Variants in POLD2 observed in about 807,000 individuals in gnomAD.
The protein encoded by POLD2 is DNA polymerase delta 2, accessory subunit.
Under a neutral mutation model 48.8 loss-of-function variants are expected in POLD2, and 31 were observed. The ratio of observed to expected loss-of-function variants is 0.64; its 90% CI spans 0.48 to 0.86. The LOEUF is 0.86. POLD2 is among the 40% of genes least tolerant of loss of function. POLD2 has a pLI of 0.00. For missense variants in POLD2, 455 were observed against 610.1 expected (o/e 0.75, Z 2.68); for synonymous variants, 233 against 256.3 (o/e 0.91, Z 0.87).
chr7:44,123,112 T>C (rs879692086), intron 1 of POLD2: 9 of 384,038 alleles, frequency 2.3e-5, no homozygotes, highest in East Asian at 1.6e-4. Flanking sequence ...ATTGAAATAA[T>C]AGTTTGAATA....
In POLD2 at chr7:44,121,994, G is replaced by T; in HGVS notation, c.60C>A (p.Asn20Lys). 3 of 1,613,852 alleles carry T rather than the reference G, an allele frequency of 1.9e-6. No individual in the cohort carries two copies. The change falls in exon 2 of 11, where the codon AAC becomes AAA. Residue 20 changes from asparagine (N) to lysine (K), a missense_variant. Transcript: ENST00000610533. The surrounding 1 kb of genome is among the most constrained non-coding windows in gnomAD (Gnocchi z 4.5). ...AHTLLSPPSA[N>K]NATFARVPVA... is the part of the protein sequence containing the mutation. ...CTGGCACCCGGGCAAAGGTGGCATT[G>T]TTGGCTGATGGTGGGGACAGTAGAG...
chr7:44,123,626 C>T (rs1334824282), upstream of POLD2: 6 of 1,398,188 alleles, frequency 4.3e-6, no homozygotes, highest in African/African-American at 1.5e-5. Flanking sequence ...TCGCTGCCCT[C>T]CTCGCCCCGT....
Position 44,116,439 on chromosome 7 carries a change from C to CAGG in POLD2, c.849_851dup (p.Leu284dup). 1 of 1,579,418 alleles carries CAGG rather than the reference C, an allele frequency of 6.3e-7. No individual in the cohort carries two copies. The highest frequency in any genetic ancestry group is 1.2e-5 in the South Asian group (1 of 86,556). Reference sequence around the variant, plus strand: ...CCCCCAGCTCGCTCACGCTCAGCTGCAGGAGGATCTCATCCAGCATCTTAA... The same window carrying CAGG: ...CCCCCAGCTCGCTCACGCTCAGCTGCAGGAGGAGGATCTCATCCAGCATCTTAA... On this transcript the variant is annotated inframe_insertion, in exon 7 of 11. Coordinates refer to ENST00000610533, the MANE Select transcript of POLD2 (RefSeq NM_006230.4). The surrounding 1 kb of genome is among the most constrained non-coding windows in gnomAD (Gnocchi z 6.1).
rs754645287 is a variant in POLD2 at position 44,116,831 on chromosome 7, C to A, written c.766G>T (p.Asp256Tyr). Reference sequence around the variant, plus strand: ...GGGCTCCATACCTTATTGATAGAATCCCTGCTCTGGGTGCTGTGGCTGAGG... The same window carrying A: ...GGGCTCCATACCTTATTGATAGAATACCTGCTCTGGGTGCTGTGGCTGAGG... ...NLLSHSTQSR[D>Y]SINKAKYLTK... Residue 256 changes from aspartate to tyrosine, a missense_variant, in exon 6 of 11, where the codon GAT becomes TAT. Transcript: ENST00000610533. The surrounding 1 kb of genome is among the most constrained non-coding windows in gnomAD (Gnocchi z 6.1). The A allele has an allele frequency of 6.2e-7, 1 of 1,613,832 alleles. No individual in the cohort carries two copies. Among genetic ancestry groups the A allele is most frequent in the Non-Finnish European group, 8.5e-7 (1 of 1,180,008 alleles).
Position 44,117,671 on chromosome 7 carries a change from T to C in POLD2, c.414A>G (p.Glu138=), listed in dbSNP as rs758821436. The change falls in exon 4 of 11, where the codon GAA becomes GAG. Residue 138 remains glutamate (E), a synonymous_variant. Coordinates refer to ENST00000610533, the MANE Select transcript of POLD2 (RefSeq NM_006230.4). ...TGCCTTTTAGTTTGATACGCTGCAG[T>C]TCATCTTCCAAGACCAGCTCGTCAT... ...HPDDELVLED[E]LQRIKLKGTI... The C allele has an allele frequency of 6.2e-7, 1 of 1,611,604 alleles. No homozygotes were observed. Among genetic ancestry groups the C allele is most frequent in the South Asian group, 1.1e-5 (1 of 90,372 alleles).
In POLD2 at chr7:44,121,856, C is replaced by A. The variant is rs772376974; in HGVS notation, c.198G>T (p.Glu66Asp). The change falls in exon 2 of 11, where the codon GAG becomes GAT. Residue 66 changes from glutamate to aspartate, a missense_variant. Transcript: ENST00000610533. The surrounding 1 kb of genome is among the most constrained non-coding windows in gnomAD (Gnocchi z 4.5). The part of the protein sequence containing the change: ...TRLIQMRPFL[E>D]NRAQQHWGSG... ...TACCCCAGTGCTGCTGGGCCCGGTT[C>A]TCCAGGAAGGGTCTCATTTGGATGA... The A allele has an allele frequency of 6.2e-7, 1 of 1,613,188 alleles. No individual in the cohort carries two copies. The highest frequency in any genetic ancestry group is 8.5e-7 in the Non-Finnish European group (1 of 1,180,002).
In POLD2 at chr7:44,123,518, C is replaced by G. The variant is rs909249395; in HGVS notation, c.-64G>C. On this transcript the variant is annotated 5_prime_UTR_variant, in exon 1 of 11. Transcript: ENST00000610533. ...TCCCTGGACCCCACTCACCGCGCGG[C>G]GCGCCGCATCCCGCCAATCCCCGCG... is the stretch of plus-strand genomic sequence containing the variant. 29 of 1,482,578 alleles carry G rather than the reference C, an allele frequency of 2.0e-5. No individual in the cohort carries two copies. Among genetic ancestry groups the G allele is most frequent in the Admixed American group, 9.0e-5 (4 of 44,492 alleles). The allele number at this position is 1,482,578 out of a possible 1,614,324, so 91.8% of individuals were successfully genotyped here.
At chr7:44,118,995 T>C (rs2096244720) in intron 2 of POLD2, among the ~76,000 whole-genome samples, 1 of 152,100 alleles carries the variant, frequency 6.6e-6, no homozygotes, top group African/African-American at 2.4e-5. Flanking sequence ...TTTAAGACTT[T>C]AGATTCTTCC....
chr7:44,123,318 G>T, intron 1 of POLD2, 193 bp downstream of exon 1: 1 of 1,365,328 alleles, frequency 7.3e-7, no homozygotes, highest in Non-Finnish European at 9.4e-7. Flanking sequence ...GGCGGCAGCA[G>T]CCAGGCCGCG....
At chr7:44,120,977 CT>C (rs1294385605) in intron 2 of POLD2, among the ~76,000 whole-genome samples, 1 of 152,130 alleles carries the variant, frequency 6.6e-6, no homozygotes, top group Admixed American at 6.5e-5. Context: ...TTGATCTTGG[CT>C]TGGCATGGGA....
At chr7:44,123,206 T>A (rs2096250498) in intron 1 of POLD2, 3 of 1,255,264 alleles carry the variant, frequency 2.4e-6, no homozygotes, top group Non-Finnish European at 3.0e-6. Flanking sequence ...CCCTAGCGGC[T>A]TGCAATCTAT....
intron 1 of POLD2, chr7:44,122,392 G>A: frequency 1.7e-6 from 2 of 1,158,608 alleles, no homozygotes; most frequent in Admixed American, 4.7e-5. Context: ...ACAACTACCA[G>A]GGTCTCAATC....
intron 2 of POLD2, among the ~76,000 whole-genome samples, chr7:44,119,930 C>T (rs926461066): frequency 2.0e-5 from 3 of 152,226 alleles, no homozygotes; most frequent in African/African-American, 7.2e-5. Context: ...AAGAATATAA[C>T]ACTTCAGCTG....
Position 44,121,994 on chromosome 7 carries a change from G to GT in POLD2, c.59dup (p.Asn20LysfsTer28). 6.2e-7 allele frequency: 1 copy of GT among 1,613,852 alleles called. No individual in the cohort carries two copies. Among genetic ancestry groups the GT allele is most frequent in the Non-Finnish European group, 8.5e-7 (1 of 1,180,050 alleles). ...CTGGCACCCGGGCAAAGGTGGCATTGTTGGCTGATGGTGGGGACAGTAGAG... is the reference window on the plus strand; with the variant it reads ...CTGGCACCCGGGCAAAGGTGGCATTGTTTGGCTGATGGTGGGGACAGTAGAG... On this transcript the variant is annotated frameshift_variant, in exon 2 of 11. Transcript: ENST00000610533. LOFTEE classifies it high-confidence loss of function. This position sits in a 1 kb window ranked among gnomAD's most constrained non-coding sequence, Gnocchi z 4.5.
chr7:44,123,193 AT>A (rs1187247299), intron 1 of POLD2: 1 of 1,233,360 alleles, frequency 8.1e-7, no homozygotes, highest in Non-Finnish European at 1.0e-6. Context: ...AAGTTAAAAA[AT>A]TCCCTAGCGG....
Position 44,121,919 on chromosome 7 carries a change from G to A in POLD2, c.135C>T (p.Ser45=), listed in dbSNP as rs1162929185. Reference sequence around the variant, plus strand: ...AAATGTGGGCATACTGCCGGCTAAAGCTGCGCTCTCCTAGCCGGAAGGGTT... The same window carrying A: ...AAATGTGGGCATACTGCCGGCTAAAACTGCGCTCTCCTAGCCGGAAGGGTT... The part of the protein sequence containing the change: ...SSQPFRLGER[S]FSRQYAHIYA... Residue 45 remains serine (S), a synonymous_variant, in exon 2 of 11, where the codon AGC becomes AGT. Coordinates refer to ENST00000610533, the MANE Select transcript of POLD2 (RefSeq NM_006230.4). The surrounding 1 kb of genome is among the most constrained non-coding windows in gnomAD (Gnocchi z 4.5). 6.2e-7 allele frequency: 1 copy of A among 1,613,838 alleles called. No homozygotes were observed. The highest frequency in any genetic ancestry group is 8.5e-7 in the Non-Finnish European group (1 of 1,180,044).
At chr7:44,115,095 TG>T in intron 10 of POLD2, 150 bp from the exon 11 acceptor site, 1 of 858,962 alleles carries the variant, frequency 1.2e-6, no homozygotes, top group Non-Finnish European at 1.8e-6. Context: ...GCACACAGGC[TG>T]GGAGCCGTTC....
intron 2 of POLD2, among the ~76,000 whole-genome samples, chr7:44,118,884 A>G (rs1304930961): frequency 2.0e-5 from 3 of 152,192 alleles, no homozygotes; most frequent in African/African-American, 7.2e-5. Flanking sequence ...AAACTAATAC[A>G]AAGTACTGCT....
rs746226948 is a variant in POLD2 at position 44,122,002 on chromosome 7, ATGG to A, written c.49_51del (p.Pro17del). The A allele has an allele frequency of 6.2e-7, 1 of 1,613,738 alleles. No homozygotes were observed. The highest frequency in any genetic ancestry group is 8.5e-7 in the Non-Finnish European group (1 of 1,180,034). ...CGGGCAAAGGTGGCATTGTTGGCTGATGGTGGGGACAGTAGAGTGTGGGCCCTC... is the reference window on the plus strand; with the variant it reads ...CGGGCAAAGGTGGCATTGTTGGCTGATGGGGACAGTAGAGTGTGGGCCCTC... On this transcript the variant is annotated inframe_deletion, in exon 2 of 11. Coordinates refer to ENST00000610533, the MANE Select transcript of POLD2 (RefSeq NM_006230.4).
Sources: gnomAD v4.1 joint callset for allele counts (sites outside exome capture counted in the v4.1 genomes callset) on GRCh38, gnomAD v4.1.1 for gene constraint, Gnocchi (gnomAD v3.1) non-coding constraint, MANE v1.5 for transcripts, NCBI Gene and HGNC (gene_info 2026-07-23, HGNC 2026-07-21) for gene names.